AGO2: variants seen among roughly 807,000 people sequenced by gnomAD.
AGO2 encodes the protein protein argonaute-2.
A neutral mutation model predicts 102.3 loss-of-function variants in AGO2; 5 were observed. The ratio of observed to expected loss-of-function variants is 0.05; its 90% CI spans 0.03 to 0.10. AGO2 has a LOEUF of 0.10. AGO2 is among the 10% of genes least tolerant of loss of function. The probability of loss-of-function intolerance (pLI) is 1.00; values close to 1 mark genes in which losing one functional copy is unlikely to be tolerated. For synonymous variants in AGO2, 449 were observed against 473.1 expected, an observed-to-expected ratio of 0.95 and a Z score of 0.66; for missense variants, 541 against 1,183.7, an observed-to-expected ratio of 0.46 and a Z score of 7.97.
intron 1 of AGO2, among the ~76,000 whole-genome samples, chr8:140,629,880 G>A (rs1417181250): frequency 4.2e-5 from 6 of 142,470 alleles, no homozygotes; most frequent in African/African-American, 1.3e-4. Flanking sequence ...GGGGAGCAGG[G>A]GGAAGAGGAG....
chr8:140,616,523 T>C (rs539329151), intron 1 of AGO2, among the ~76,000 whole-genome samples: 5 of 151,188 alleles, frequency 3.3e-5, no homozygotes, highest in African/African-American at 9.7e-5. Flanking sequence ...ATAACTAAAT[T>C]ATAATAAAAT....
rs78698495 is a variant in AGO2, at chr8:140,574,426, T to G, written c.216-1494A>C. Among the ~76,000 whole-genome samples, 1,509 of 152,126 alleles carry G rather than the reference T, an allele frequency of 9.9e-3. 30 individuals are homozygous for G. In the East Asian group the frequency reaches 0.099, roughly 10 times the overall value. ...ACACGCCCAGGCCACTATGCCCAGT[T>G]AATTTTTAAATTTTTTTGTAGAGAT... On this transcript the variant is annotated intron_variant, in intron 2 of 18. Coordinates refer to ENST00000220592, the MANE Select transcript of AGO2 (RefSeq NM_012154.5).
intron 1 of AGO2, among the ~76,000 whole-genome samples, chr8:140,586,813 G>C (rs2073665970): frequency 6.6e-6 from 1 of 152,124 alleles, no homozygotes; most frequent in Non-Finnish European, 1.5e-5. Flanking sequence ...CGGCTCCCAG[G>C]AAACGTCTAG....
chr8:140,532,778 C>T (rs563492547), intron 17 of AGO2, 163 bp from the exon 18 acceptor site: 307 of 702,066 alleles, frequency 4.4e-4, no homozygotes, highest in African/African-American at 2.5e-3. Flanking sequence ...GGGCAGATCA[C>T]GCGGTCAGGA....
intron 11 of AGO2, among the ~76,000 whole-genome samples, chr8:140,549,593 G>A (rs572603359): frequency 6.6e-6 from 1 of 152,370 alleles, no homozygotes; most frequent in African/African-American, 2.4e-5. Flanking sequence ...CCGCGCTCAC[G>A]CTGCCTCGCG....
At chr8:140,566,373 G>A (rs554543813) in intron 3 of AGO2, among the ~76,000 whole-genome samples, 5 of 152,252 alleles carry the variant, frequency 3.3e-5, no homozygotes, top group Admixed American at 1.3e-4. Context: ...TTTTTCTTTT[G>A]TAAATTGCCC....
At chr8:140,545,089 G>A (rs1358196975) in intron 13 of AGO2, among the ~76,000 whole-genome samples, 1 of 152,152 alleles carries the variant, frequency 6.6e-6, no homozygotes, top group Non-Finnish European at 1.5e-5. Flanking sequence ...AGGTACATGA[G>A]GCCCTCGCCT....
At chr8:140,603,539 C>A (rs2073958384) in intron 1 of AGO2, among the ~76,000 whole-genome samples, 1 of 152,250 alleles carries the variant, frequency 6.6e-6, no homozygotes, top group South Asian at 2.1e-4. Context: ...CCCGTTTCCT[C>A]CAAAGCCCAG....
intron 17 of AGO2, chr8:140,532,851 G>A (rs913645511): frequency 1.1e-5 from 5 of 451,442 alleles, no homozygotes; most frequent in African/African-American, 8.0e-5. Context: ...AAAAAAATTA[G>A]CTAGACAATT....
chr8:140,551,544 C>G, intron 10 of AGO2, 108 bp from the exon 11 acceptor site: 21 of 1,281,756 alleles, frequency 1.6e-5, no homozygotes, highest in Non-Finnish European at 2.1e-5. Context: ...AACTGCTTCT[C>G]AGGGAAAGAA....
upstream of AGO2, among the ~76,000 whole-genome samples, chr8:140,639,885 G>GTGGT (rs925234611): frequency 1.3e-5 from 2 of 152,210 alleles, no homozygotes; most frequent in African/African-American, 4.8e-5. Context: ...GGGCCTGGAT[G>GTGGT]TGGTGTTCCC....
chr8:140,583,518 T>C (rs757209257), intron 2 of AGO2, among the ~76,000 whole-genome samples: 3 of 152,174 alleles, frequency 2.0e-5, no homozygotes, highest in Non-Finnish European at 4.4e-5. Context: ...CACAAACCTG[T>C]ACAGCACACG....
chr8:140,631,481 G>T (rs953722864), intron 1 of AGO2, among the ~76,000 whole-genome samples: 1 of 150,982 alleles, frequency 6.6e-6, no homozygotes, highest in Non-Finnish European at 1.5e-5. Context: ...AGGTTGCAGT[G>T]AGCCAAGATG....
At chr8:140,547,076 G>A (rs1399497852) in intron 13 of AGO2, among the ~76,000 whole-genome samples, 1 of 152,224 alleles carries the variant, frequency 6.6e-6, no homozygotes, top group African/African-American at 2.4e-5. Flanking sequence ...CCAGCACGAC[G>A]CAGCATCCAT....
chr8:140,637,210 C>G (rs1157115786), upstream of AGO2: 1 of 152,214 alleles, frequency 6.6e-6, no homozygotes, highest in Non-Finnish European at 1.5e-5. Context: ...TTTAAATAAT[C>G]ATGAATGTTA....
rs1454074665 is a variant in AGO2 at position 140,557,270 on chromosome 8, A to G, written c.879-34T>C. On this transcript the variant is annotated intron_variant, in intron 7 of 18. Coordinates refer to ENST00000220592, the MANE Select transcript of AGO2 (RefSeq NM_012154.5). The surrounding 1 kb of genome is among the most constrained non-coding windows in gnomAD (Gnocchi z 5.9). ...CAAAGGGGCTGTTCAGGCCGAGGGC[A>G]TCCCGGAGCCCCTTCCCCTGCGCTG... 6.3e-7 allele frequency: 1 copy of G among 1,584,378 alleles called. No homozygotes were observed. The highest frequency in any genetic ancestry group is 2.3e-5 in the East Asian group (1 of 44,278).
At chr8:140,600,685 A>AC (rs2073921003) in intron 1 of AGO2, among the ~76,000 whole-genome samples, 1 of 151,712 alleles carries the variant, frequency 6.6e-6, no homozygotes, top group African/African-American at 2.4e-5. Flanking sequence ...CGTGTCAAAA[A>AC]AAAAAAAAAA....
intron 2 of AGO2, among the ~76,000 whole-genome samples, chr8:140,578,222 G>A (rs1213007005): frequency 6.6e-6 from 1 of 152,216 alleles, no homozygotes; most frequent in East Asian, 1.9e-4. Context: ...TCTAACACGG[G>A]GGGTCCCTTC....
chr8:140,626,662 C>A (rs888866624), intron 1 of AGO2: 1 of 152,324 alleles, frequency 6.6e-6, no homozygotes, highest in African/African-American at 2.4e-5. Flanking sequence ...TGAGCCTGCG[C>A]TCAGGGTGCT....
Sources: allele counts gnomAD v4.1 joint callset (sites outside exome capture counted in the v4.1 genomes callset), GRCh38; gene constraint gnomAD v4.1.1; non-coding constraint Gnocchi (gnomAD v3.1); transcripts MANE v1.5; gene names NCBI Gene and HGNC (gene_info 2026-07-23, HGNC 2026-07-21).